Variants in BAZ1B observed in about 807,000 individuals in gnomAD.
BAZ1B encodes the protein bromodomain adjacent to zinc finger domain 1B.
A neutral mutation model predicts 153.8 loss-of-function variants in BAZ1B; 22 were observed. The ratio of observed to expected loss-of-function variants is 0.14; its 90% CI spans 0.10 to 0.20. BAZ1B has a LOEUF of 0.20. Among genes scored for constraint, BAZ1B ranks in the 10% least tolerant of loss-of-function variants. BAZ1B has a pLI of 1.00. For missense variants in BAZ1B, 1,325 were observed against 1,799.3 expected, an observed-to-expected ratio of 0.74 and a Z score of 4.77; for synonymous variants, 676 against 633.4, an observed-to-expected ratio of 1.07 and a Z score of -1.01.
intron 1 of BAZ1B, among the ~76,000 whole-genome samples, chr7:73,512,118 AC>A (rs1790609382): frequency 6.6e-6 from 1 of 151,012 alleles, no homozygotes; most frequent in Non-Finnish European, 1.5e-5. Context: ...GTTTGGAATA[AC>A]CTTGAGCATA....
chr7:73,449,564 C>T lies in BAZ1B; in HGVS notation c.3706G>A (p.Ala1236Thr). The change falls in exon 15 of 20, where the codon GCC becomes ACC. Residue 1236 changes from alanine to threonine, a missense_variant. Coordinates refer to ENST00000339594, the MANE Select transcript of BAZ1B (RefSeq NM_032408.4). ...CACCTGCCACGGGAGTTGCGCCTGG[C>T]AGTAGCGGGCTGGCAAGCTGGGCAC... is the stretch of plus-strand genomic sequence containing the variant. ...WQCPACQPAT[A>T]RRNSRGRNYT... 6.2e-7 allele frequency: 1 copy of T among 1,612,986 alleles called. No homozygotes were observed. The highest frequency in any genetic ancestry group is 8.5e-7 in the Non-Finnish European group (1 of 1,179,668).
chr7:73,484,364 A>G (rs1420460818), intron 6 of BAZ1B, among the ~76,000 whole-genome samples: 2 of 152,128 alleles, frequency 1.3e-5, no homozygotes, highest in African/African-American at 4.8e-5. Context: ...TCAGCCAGGC[A>G]TGATAGCTCA....
At chr7:73,518,497 CTCTA>C (rs1314241727) in intron 1 of BAZ1B, among the ~76,000 whole-genome samples, 5 of 152,088 alleles carry the variant, frequency 3.3e-5, no homozygotes, top group African/African-American at 1.2e-4. Context: ...TCCAGTAAAA[CTCTA>C]TCTTACAACT....
chr7:73,509,780 C>T lies in BAZ1B; in HGVS notation c.224+956G>A, dbSNP rs1173151412. 5.4e-5 allele frequency among the ~76,000 whole-genome samples: 8 copies of T among 146,854 alleles called. No homozygotes were observed. The South Asian group carries it at 8.7e-4, about 16-fold the overall frequency. Reference sequence around the variant, plus strand: ...CACCAGAGCTGTTGCAAAAGGACAGCAATGATTTAACACTTTTCACTTATT... The same window carrying T: ...CACCAGAGCTGTTGCAAAAGGACAGTAATGATTTAACACTTTTCACTTATT... On this transcript the variant is annotated intron_variant, in intron 2 of 19. Coordinates refer to ENST00000339594, the MANE Select transcript of BAZ1B (RefSeq NM_032408.4).
intron 12 of BAZ1B, among the ~76,000 whole-genome samples, chr7:73,460,277 C>T (rs1004918827): frequency 6.6e-6 from 1 of 151,914 alleles, no homozygotes; most frequent in African/African-American, 2.4e-5. Context: ...GAAGCCCCCC[C>T]ACATAAAGGA....
chr7:73,496,200 T>C (rs917453391), intron 4 of BAZ1B, among the ~76,000 whole-genome samples: 5 of 152,078 alleles, frequency 3.3e-5, no homozygotes, highest in Non-Finnish European at 7.4e-5. Flanking sequence ...AAAACACTTC[T>C]CAACCTCAAG....
rs1246720631 is a variant in BAZ1B at position 73,489,333 on chromosome 7, T to C, written c.752A>G (p.Glu251Gly). 1.2e-6 allele frequency: 2 copies of C among 1,614,172 alleles called. No homozygotes were observed. Among genetic ancestry groups the C allele is most frequent in the South Asian group, 2.2e-5 (2 of 91,086 alleles). ...ATGCCGTATAAAGTATCGAACTATC[T>C]CCTTATTTGGTGGGCGCTCTGTACG... ...LIRTERPPNK[E>G]IVRYFIRHNA... Residue 251 changes from glutamate to glycine, a missense_variant, in exon 6 of 20, where the codon GAG becomes GGG. By Grantham distance (98) the Glu-to-Gly change is moderately conservative. Around this residue, in one of 9 missense-constraint regions of BAZ1B, gnomAD observed 153 missense variants for 204.8 expected, o/e 0.75. Coordinates refer to ENST00000339594, the MANE Select transcript of BAZ1B (RefSeq NM_032408.4).
intron 1 of BAZ1B, among the ~76,000 whole-genome samples, chr7:73,513,804 T>TG (rs1563405169): frequency 6.6e-6 from 1 of 151,950 alleles, no homozygotes; most frequent in South Asian, 2.1e-4. Flanking sequence ...GAGGACAAAG[T>TG]GGGGGGATCT....
Position 73,521,897 on chromosome 7 carries a change from C to G in BAZ1B, c.37G>C (p.Val13Leu), listed in dbSNP as rs1791069396. 6.7e-7 allele frequency: 1 copy of G among 1,498,466 alleles called. No individual in the cohort carries two copies. 92.8% of individuals were successfully genotyped at this position (1,498,466 alleles called of 1,614,324 possible). A position where few individuals can be genotyped will look rare whatever the true frequency, so the allele number is the denominator to read the frequency against. ...GGCTCCTCTCCGGGCAACGGCTTCACCAGCGGGAAGGGCTTGCGGCCCAGG... is the reference window on the plus strand; with the variant it reads ...GGCTCCTCTCCGGGCAACGGCTTCAGCAGCGGGAAGGGCTTGCGGCCCAGG... ...PLLGRKPFPL[V>L]KPLPGEEPLF... Residue 13 changes from valine (V) to leucine (L), a missense_variant, in exon 1 of 20, where the codon GTG becomes CTG. Around this residue, in one of 9 missense-constraint regions of BAZ1B, gnomAD observed 61 missense variants for 61.5 expected, o/e 0.99. Transcript: ENST00000339594.
chr7:73,443,129 G>A (rs934709744), intron 17 of BAZ1B, among the ~76,000 whole-genome samples: 4 of 152,218 alleles, frequency 2.6e-5, no homozygotes, highest in Admixed American at 2.0e-4. Context: ...GGGGGCTACT[G>A]TCAACAGGAC....
rs1158399182 is a variant in BAZ1B, at chr7:73,484,312, TAGACAGAC to T, written c.891+4874_891+4881del. Among the ~76,000 whole-genome samples, 88 of 149,252 alleles carry T rather than the reference TAGACAGAC, an allele frequency of 5.9e-4. 1 individual carries two copies. Among genetic ancestry groups the T allele is most frequent in the African/African-American group, 1.9e-3 (74 of 39,416 alleles). ...GGAGGAAGATAGATAGATAGATAGA[TAGACAGAC>T]AGACAGACAGACAGACAGATATAGA... On this transcript the variant is annotated intron_variant, in intron 6 of 19. Transcript: ENST00000339594.
chr7:73,455,615 T>C (rs968518826), intron 13 of BAZ1B, among the ~76,000 whole-genome samples: 3 of 152,094 alleles, frequency 2.0e-5, no homozygotes, highest in South Asian at 2.1e-4. Flanking sequence ...GCCCCGTCTC[T>C]ATAAAAAATT....
chr7:73,487,070 T>TC (rs1361805005), intron 6 of BAZ1B, among the ~76,000 whole-genome samples: 2 of 152,232 alleles, frequency 1.3e-5, no homozygotes, highest in Non-Finnish European at 2.9e-5. Context: ...ACATGAGTCT[T>TC]AAGTTTTCTG....
At position 73,456,937 on chromosome 7, in the gene BAZ1B, C is replaced by CAAAAAAAA. The variant is rs71071937; in HGVS notation, c.3432+2591_3432+2598dup. 2.8e-4 allele frequency among the ~76,000 whole-genome samples: 11 copies of CAAAAAAAA among 39,578 alleles called. 1 individual carries two copies. Among genetic ancestry groups the CAAAAAAAA allele is most frequent in the South Asian group, 1.2e-3 (1 of 852 alleles). The allele number at this position is 39,578 out of a possible 152,430, so 26.0% of individuals were successfully genotyped here. A position where few individuals can be genotyped will look rare whatever the true frequency, so the allele number is the denominator to read the frequency against. On this transcript the variant is annotated intron_variant, in intron 13 of 19. Transcript: ENST00000339594. ...GGCCTCGGCGACAGAGACTCTGTCT[C>CAAAAAAAA]AAAAAAAAAAAAAAAAAAAAAAAAA...
Position 73,442,411 on chromosome 7 carries a change from T to A in BAZ1B, c.4237A>T (p.Thr1413Ser), listed in dbSNP as rs1554565285. ...CGGCAGTTGTAAACCTCAGCATTGG[T>A]AAACACTTGCTTCATGTCAGTAAGA... ...EFLTDMKQVFTNAEVYNCRGS... is the reference protein window; with the variant it reads ...EFLTDMKQVFSNAEVYNCRGS... The change falls in exon 19 of 20, where the codon ACC becomes TCC. Residue 1413 changes from threonine (T) to serine (S), a missense_variant. This residue lies in a region of BAZ1B where 271 missense variants were observed against 337.2 expected (regional missense o/e 0.80). Coordinates refer to ENST00000339594, the MANE Select transcript of BAZ1B (RefSeq NM_032408.4). 6.2e-7 allele frequency: 1 copy of A among 1,614,206 alleles called. No individual in the cohort carries two copies. Among genetic ancestry groups the A allele is most frequent in the Non-Finnish European group, 8.5e-7 (1 of 1,180,044 alleles).
At chr7:73,500,613 G>C (rs375996048) in intron 3 of BAZ1B, among the ~76,000 whole-genome samples, 37 of 150,044 alleles carry the variant, frequency 2.5e-4, no homozygotes, top group African/African-American at 8.6e-4. Flanking sequence ...AAACCAAGCC[G>C]GGCACAGTGG....
At chr7:73,490,667 G>A (rs932560799) in intron 5 of BAZ1B, among the ~76,000 whole-genome samples, 7 of 151,016 alleles carry the variant, frequency 4.6e-5, no homozygotes, top group Non-Finnish European at 8.8e-5. Flanking sequence ...GAGCAATGGC[G>A]CAATCTCTGC....
chr7:73,486,171 C>G (rs1177839569), intron 6 of BAZ1B, among the ~76,000 whole-genome samples: 2 of 152,176 alleles, frequency 1.3e-5, no homozygotes, highest in Non-Finnish European at 2.9e-5. Context: ...TTCTTATTCT[C>G]AAGTAATTTA....
At chr7:73,494,045 C>T (rs1789770490) in intron 4 of BAZ1B, among the ~76,000 whole-genome samples, 1 of 152,034 alleles carries the variant, frequency 6.6e-6, no homozygotes, top group African/African-American at 2.4e-5. Context: ...GAACCAATGA[C>T]AGACTGTGGC....
Sources: gnomAD v4.1 joint callset for allele counts (sites outside exome capture counted in the v4.1 genomes callset) on GRCh38, gnomAD v4.1.1 for gene constraint, gnomAD v4.1.1 regional missense constraint, MANE v1.5 for transcripts, NCBI Gene and HGNC (gene_info 2026-07-23, HGNC 2026-07-21) for gene names.